Variants in ROBO2 observed in about 807,000 individuals in gnomAD.
ROBO2 encodes the protein roundabout homolog 2.
A neutral mutation model predicts 160.8 loss-of-function variants in ROBO2; 53 were observed. The ratio of observed to expected loss-of-function variants is 0.33; its 90% CI spans 0.26 to 0.41. ROBO2 has a LOEUF of 0.41. Among genes scored for constraint, ROBO2 ranks in the 10% least tolerant of loss-of-function variants. The probability of loss-of-function intolerance (pLI) is 1.00; values close to 1 mark genes in which losing one functional copy is unlikely to be tolerated. For synonymous variants in ROBO2, 664 were observed against 611.7 expected (o/e 1.09, Z -1.26); for missense variants, 1,577 against 1,722.4 (o/e 0.92, Z 1.49).
At chr3:77,241,529 CTTTA>C (rs2089038508) in intron 2 of ROBO2, among the ~76,000 whole-genome samples, 1 of 152,162 alleles carries the variant, frequency 6.6e-6, no homozygotes, top group Admixed American at 6.5e-5. Context: ...AAACTTTACA[CTTTA>C]AGTGACTTTC....
At chr3:77,509,260 C>G (rs181692171) in intron 5 of ROBO2, among the ~76,000 whole-genome samples, 1 of 151,960 alleles carries the variant, frequency 6.6e-6, no homozygotes, top group Non-Finnish European at 1.5e-5. Context: ...GGTAGAAAGG[C>G]CTTTTGTATT....
chr3:76,228,716 C>T (rs1329967079), intron 2 of ROBO2, among the ~76,000 whole-genome samples: 1 of 152,092 alleles, frequency 6.6e-6, no homozygotes, highest in African/African-American at 2.4e-5. Context: ...CAAACCAAAC[C>T]AGTTTACTGA....
chr3:77,164,663 G>A (rs1209016376), intron 2 of ROBO2, among the ~76,000 whole-genome samples: 1 of 116,532 alleles, frequency 8.6e-6, no homozygotes. Context: ...GAGGGAGGTG[G>A]GGGGGTCAGC....
At chr3:77,039,335 T>A (rs1318027334), upstream of ROBO2, among the ~76,000 whole-genome samples, 1 of 152,014 alleles carries the variant, frequency 6.6e-6, no homozygotes, top group African/African-American at 2.4e-5. Context: ...AGTGAGTGAG[T>A]GTGTGATTTT....
chr3:77,382,949 A>G (rs564344402), intron 2 of ROBO2, among the ~76,000 whole-genome samples: 1 of 152,236 alleles, frequency 6.6e-6, no homozygotes, highest in South Asian at 2.1e-4. Context: ...CCAACAAAAT[A>G]CTTTTTTTTA....
chr3:76,084,029 G>C (rs2108045393), intron 2 of ROBO2, among the ~76,000 whole-genome samples: 1 of 152,080 alleles, frequency 6.6e-6, no homozygotes, highest in South Asian at 2.1e-4. Flanking sequence ...TATTGTGTTG[G>C]GGAAAAAAAT....
intron 2 of ROBO2, among the ~76,000 whole-genome samples, chr3:76,469,236 CAAT>C (rs1460572248): frequency 1.3e-5 from 2 of 151,942 alleles, no homozygotes; most frequent in Admixed American, 6.6e-5. Flanking sequence ...ATGATGATGA[CAAT>C]GATGAGGATG....
intron 2 of ROBO2, among the ~76,000 whole-genome samples, chr3:76,669,263 A>G (rs930778157): frequency 6.6e-6 from 1 of 152,130 alleles, no homozygotes; most frequent in Non-Finnish European, 1.5e-5. Context: ...AGGGAAAATA[A>G]AATGCTTCTC....
intron 2 of ROBO2, among the ~76,000 whole-genome samples, chr3:77,364,211 C>T (rs2153471477): frequency 6.6e-6 from 1 of 152,130 alleles, no homozygotes; most frequent in Non-Finnish European, 1.5e-5. Context: ...ATTTGTTTAT[C>T]TACTGGTGAT....
rs113185144 is a variant in ROBO2 at position 76,653,994 on chromosome 3, A to G, written c.110-444020A>G. ...CAAGGCTTCCAAACTGAGGTGTTAA[A>G]AAGTGATACTGCTTAAGTACTGATG... On this transcript the variant is annotated intron_variant, in intron 2 of 26. Transcript: ENST00000487694. 3.7e-3 allele frequency among the ~76,000 whole-genome samples: 568 copies of G among 152,322 alleles called. 4 individuals carry two copies. Among genetic ancestry groups the G allele is most frequent in the African/African-American group, 0.013 (537 of 41,580 alleles).
intron 2 of ROBO2, among the ~76,000 whole-genome samples, chr3:77,277,414 C>T (rs1397066000): frequency 6.6e-6 from 1 of 151,826 alleles, no homozygotes; most frequent in Non-Finnish European, 1.5e-5. Context: ...GTATTAAGCC[C>T]AGCAGTCATT....
At chr3:77,130,472 A>G (rs2075756494) in intron 2 of ROBO2, among the ~76,000 whole-genome samples, 1 of 152,230 alleles carries the variant, frequency 6.6e-6, no homozygotes. Flanking sequence ...AGAAATGTGC[A>G]TTAAAATGAT....
intron 2 of ROBO2, among the ~76,000 whole-genome samples, chr3:76,940,398 A>C (rs2149107579): frequency 6.6e-6 from 1 of 152,318 alleles, no homozygotes; most frequent in African/African-American, 2.4e-5. Context: ...GTTATTCTCA[A>C]ATATTTTTAC....
At chr3:76,486,938 T>G (rs2107451357) in intron 2 of ROBO2, among the ~76,000 whole-genome samples, 1 of 152,238 alleles carries the variant, frequency 6.6e-6, no homozygotes, top group East Asian at 1.9e-4. Context: ...GGAGTAGAAC[T>G]TTTGGAATAC....
chr3:76,711,892 C>T (rs2093301586), intron 2 of ROBO2, among the ~76,000 whole-genome samples: 1 of 152,178 alleles, frequency 6.6e-6, no homozygotes, highest in Non-Finnish European at 1.5e-5. Flanking sequence ...AGAGCTTCCT[C>T]CTTTCTCCAG....
chr3:77,129,134 T>C (rs1560071436), intron 2 of ROBO2, among the ~76,000 whole-genome samples: 1 of 151,882 alleles, frequency 6.6e-6, no homozygotes, highest in Non-Finnish European at 1.5e-5. Context: ...TAATTATTTC[T>C]TTATTTTTAG....
chr3:76,746,764 C>A (rs575023903), intron 2 of ROBO2, among the ~76,000 whole-genome samples: 63 of 152,246 alleles, frequency 4.1e-4, no homozygotes, highest in African/African-American at 1.5e-3. Flanking sequence ...AGGTATTAAG[C>A]CCAGCATGCA....
At chr3:76,190,899 A>G (rs945446769) in intron 2 of ROBO2, among the ~76,000 whole-genome samples, 1 of 152,102 alleles carries the variant, frequency 6.6e-6, no homozygotes, top group Non-Finnish European at 1.5e-5. Context: ...TAGTTCGTTC[A>G]TATGCCAGAC....
chr3:76,579,777 G>T (rs1232214425), intron 2 of ROBO2, among the ~76,000 whole-genome samples: 2 of 112,690 alleles, frequency 1.8e-5, no homozygotes, highest in African/African-American at 6.6e-5. Flanking sequence ...TATGACTTTG[G>T]TTGAGTTACA....
Sources: gnomAD v4.1 joint callset for allele counts (sites outside exome capture counted in the v4.1 genomes callset) on GRCh38, gnomAD v4.1.1 for gene constraint, MANE v1.5 for transcripts, NCBI Gene and HGNC (gene_info 2026-07-23, HGNC 2026-07-21) for gene names.